FAM227B: variants seen among roughly 807,000 people sequenced by gnomAD.
FAM227B encodes protein FAM227B.
A neutral mutation model predicts 73.8 loss-of-function variants in FAM227B; 88 were observed. The ratio of observed to expected loss-of-function variants is 1.19; its 90% CI spans 1.00 to 1.42. The LOEUF is 1.42. FAM227B is among the 40% of genes most tolerant of loss of function. The pLI is 0.00. For synonymous variants in FAM227B, 210 were observed against 190.5 expected (o/e 1.10, Z -0.84); for missense variants, 632 against 590.9 (o/e 1.07, Z -0.72).
chr15:49,393,184 G>A (rs188365859), intron 11 of FAM227B, among the ~76,000 whole-genome samples: 6 of 152,282 alleles, frequency 3.9e-5, no homozygotes. Flanking sequence ...TATTTGAAAT[G>A]CAGGTTTCTT....
chr15:49,397,998 C>T (rs1228646570), intron 11 of FAM227B, among the ~76,000 whole-genome samples: 2 of 152,072 alleles, frequency 1.3e-5, no homozygotes, highest in Non-Finnish European at 2.9e-5. Context: ...CACATAACAA[C>T]ATTAACTTTA....
At chr15:49,559,592 C>A (rs998650914) in intron 9 of FAM227B, among the ~76,000 whole-genome samples, 4 of 151,946 alleles carry the variant, frequency 2.6e-5, no homozygotes, top group Admixed American at 2.6e-4. Context: ...AGAGGCAATG[C>A]CAAAAGACCC....
At chr15:49,362,159 T>C (rs1438430646) in intron 13 of FAM227B, among the ~76,000 whole-genome samples, 5 of 152,116 alleles carry the variant, frequency 3.3e-5, no homozygotes, top group Non-Finnish European at 7.4e-5. Flanking sequence ...CCCACCCAAA[T>C]CTCATGTTGA....
chr15:49,403,715 A>G (rs2048330850), intron 11 of FAM227B, among the ~76,000 whole-genome samples: 1 of 151,576 alleles, frequency 6.6e-6, no homozygotes, highest in South Asian at 2.1e-4. Flanking sequence ...AAAAACTGCT[A>G]GATTCACTGA....
At chr15:49,492,966 A>G (rs768319206) in intron 11 of FAM227B, among the ~76,000 whole-genome samples, 8 of 151,910 alleles carry the variant, frequency 5.3e-5, no homozygotes, top group Admixed American at 1.3e-4. Flanking sequence ...CTGAAACTCC[A>G]TAATTTCATA....
At chr15:49,601,296 G>A (rs2077192051) in intron 3 of FAM227B, among the ~76,000 whole-genome samples, 1 of 151,222 alleles carries the variant, frequency 6.6e-6, no homozygotes. Context: ...ATGTACACAA[G>A]GTTTTTCCTT....
Position 49,588,034 on chromosome 15 carries a change from A to G in FAM227B, c.387T>C (p.His129=). Residue 129 remains histidine (H), a synonymous_variant, in exon 5 of 16, where the codon CAT becomes CAC. Coordinates refer to ENST00000299338, the MANE Select transcript of FAM227B (RefSeq NM_152647.3). Reference sequence around the variant, plus strand: ...ACCATACCATTATCTTTTTTTTCTTATGGTACTTCTTTAGAAATTCCCCAT... The same window carrying G: ...ACCATACCATTATCTTTTTTTTCTTGTGGTACTTCTTTAGAAATTCCCCAT... ...ERYGEFLKKY[H]KKKKIMLSDE... The G allele has an allele frequency of 6.9e-7, 1 of 1,449,234 alleles. No individual in the cohort carries two copies. The highest frequency in any genetic ancestry group is 9.2e-7 in the Non-Finnish European group (1 of 1,086,510). The allele number at this position is 1,449,234 out of a possible 1,614,324, so 89.8% of individuals were successfully genotyped here.
At chr15:49,329,177 T>G in intron 15 of FAM227B, 2 of 987,022 alleles carry the variant, frequency 2.0e-6, no homozygotes, top group African/African-American at 3.5e-5. Context: ...TGGGTGAAAG[T>G]GACTATGAAA....
intron 11 of FAM227B, among the ~76,000 whole-genome samples, chr15:49,459,511 A>G (rs12438856): frequency 0.32 from 49,280 of 151,894 alleles, 8,711 homozygotes; most frequent in African/African-American, 0.45. Flanking sequence ...GCATTTCAGC[A>G]TTGTGTTAAG....
intron 11 of FAM227B, chr15:49,484,529 G>A (rs965013311): frequency 1.6e-6 from 2 of 1,266,376 alleles, no homozygotes; most frequent in African/African-American, 3.1e-5. Flanking sequence ...TAAAGAACCA[G>A]TTCCAGCAGG....
At chr15:49,553,125 C>T (rs1170438823) in intron 9 of FAM227B, among the ~76,000 whole-genome samples, 1 of 152,188 alleles carries the variant, frequency 6.6e-6, no homozygotes, top group Non-Finnish European at 1.5e-5. Flanking sequence ...TTTCCAGATA[C>T]TTGAAAGAGC....
intron 11 of FAM227B, among the ~76,000 whole-genome samples, chr15:49,417,082 G>C (rs928732721): frequency 4.6e-5 from 7 of 152,234 alleles, no homozygotes; most frequent in African/African-American, 1.7e-4. Context: ...GAAGATCCAA[G>C]GCAATCCTAG....
intron 11 of FAM227B, among the ~76,000 whole-genome samples, chr15:49,372,167 TATAA>T (rs1223528511): frequency 7.4e-6 from 1 of 135,030 alleles, no homozygotes; most frequent in Admixed American, 7.3e-5. Flanking sequence ...AAAATTCATT[TATAA>T]ATAAATGAAA....
At chr15:49,365,503 C>T in intron 13 of FAM227B, 8 of 860,038 alleles carry the variant, frequency 9.3e-6, no homozygotes, top group Non-Finnish European at 1.6e-5. Flanking sequence ...TACTGAGAAA[C>T]AGATCAGCTT....
intron 13 of FAM227B, among the ~76,000 whole-genome samples, chr15:49,357,039 G>C (rs1234179605): frequency 6.6e-6 from 1 of 151,360 alleles, no homozygotes; most frequent in African/African-American, 2.4e-5. Context: ...AAACCAACGA[G>C]AACAAAGACA....
At chr15:49,556,772 T>C (rs2073742375) in intron 9 of FAM227B, among the ~76,000 whole-genome samples, 1 of 152,222 alleles carries the variant, frequency 6.6e-6, no homozygotes, top group Non-Finnish European at 1.5e-5. Flanking sequence ...TAGGGTAGCA[T>C]GGCAAGCCTT....
At chr15:49,405,903 C>G (rs78056656) in intron 11 of FAM227B, among the ~76,000 whole-genome samples, 2,651 of 152,258 alleles carry the variant, frequency 0.017, 98 homozygotes, top group African/African-American at 0.061. Flanking sequence ...CTTTGAAGTG[C>G]TGACCTTTGA....
intron 11 of FAM227B, among the ~76,000 whole-genome samples, chr15:49,458,387 C>T (rs1003236793): frequency 1.3e-5 from 2 of 152,036 alleles, no homozygotes; most frequent in Admixed American, 1.3e-4. Context: ...CATAAACATG[C>T]ACGTCCAGCA....
chr15:49,360,920 A>T (rs1480060383), intron 13 of FAM227B, among the ~76,000 whole-genome samples: 2 of 152,038 alleles, frequency 1.3e-5, no homozygotes, highest in African/African-American at 4.8e-5. Context: ...CCTCCAGTCT[A>T]CTCAGTGTTT....
Sources: gnomAD v4.1 joint callset for allele counts (sites outside exome capture counted in the v4.1 genomes callset) on GRCh38, gnomAD v4.1.1 for gene constraint, MANE v1.5 for transcripts, NCBI Gene and HGNC (gene_info 2026-07-23, HGNC 2026-07-21) for gene names.